The following SLIT3 variants were observed in gnomAD, a reference collection of about 807,000 sequenced individuals.
SLIT3 encodes slit homolog 3 protein.
SLIT3 carries 68 observed loss-of-function variants against 184.0 expected under a neutral mutation model. The ratio of observed to expected loss-of-function variants is 0.37; its 90% CI spans 0.30 to 0.45. The LOEUF (loss-of-function observed/expected upper bound fraction) is 0.45, where lower values mean the gene tolerates loss of function less well. Among genes scored for constraint, SLIT3 ranks in the 20% least tolerant of loss-of-function variants. SLIT3 has a pLI of 1.00. For missense variants in SLIT3, 1,707 were observed against 2,026.0 expected (o/e 0.84, Z 3.02); for synonymous variants, 831 against 828.6 (o/e 1.00, Z -0.05).
At chr5:169,210,553 T>C (rs996839786) in intron 3 of SLIT3, among the ~76,000 whole-genome samples, 1 of 152,170 alleles carries the variant, frequency 6.6e-6, no homozygotes, top group Non-Finnish European at 1.5e-5. Context: ...TGAAGTTTCC[T>C]GGGAAGGACT....
At chr5:168,771,436 T>C (rs1462385724) in intron 14 of SLIT3, among the ~76,000 whole-genome samples, 1 of 152,192 alleles carries the variant, frequency 6.6e-6, no homozygotes, top group Non-Finnish European at 1.5e-5. Flanking sequence ...CTGCCTCCGC[T>C]GTTTGCTGGC....
intron 4 of SLIT3, among the ~76,000 whole-genome samples, chr5:168,976,163 C>T (rs182407703): frequency 3.9e-5 from 6 of 152,234 alleles, no homozygotes; most frequent in Admixed American, 3.9e-4. Flanking sequence ...CTGTCATTAC[C>T]TACTTTTATA....
At chr5:168,943,840 G>A (rs1762393148) in intron 4 of SLIT3, among the ~76,000 whole-genome samples, 1 of 152,172 alleles carries the variant, frequency 6.6e-6, no homozygotes, top group African/African-American at 2.4e-5. Context: ...TGCTTTGACA[G>A]TAACTACAAT....
chr5:169,095,037 G>T (rs149741727), intron 4 of SLIT3, among the ~76,000 whole-genome samples: 102 of 152,294 alleles, frequency 6.7e-4, no homozygotes, highest in African/African-American at 2.4e-3. Context: ...GACACGAAAT[G>T]ACTGCTTTCC....
At chr5:169,126,541 C>T (rs1489914800) in intron 4 of SLIT3, among the ~76,000 whole-genome samples, 3 of 152,206 alleles carry the variant, frequency 2.0e-5, no homozygotes, top group Admixed American at 6.5e-5. Context: ...ACAACTTAGA[C>T]CTGGACTGGG....
At chr5:168,857,712 C>G (rs935949004) in intron 5 of SLIT3, among the ~76,000 whole-genome samples, 3 of 152,116 alleles carry the variant, frequency 2.0e-5, no homozygotes, top group African/African-American at 7.2e-5. Context: ...TGAATTTACT[C>G]CGGTTTTGAA....
At chr5:168,883,610 G>T (rs1352230194) in intron 4 of SLIT3, among the ~76,000 whole-genome samples, 1 of 152,218 alleles carries the variant, frequency 6.6e-6, no homozygotes, top group East Asian at 1.9e-4. Flanking sequence ...CAAGAGGCTG[G>T]GTTATTTGTT....
In SLIT3 at chr5:168,869,217, C is replaced by T. The variant is rs192457194; in HGVS notation, c.485+14048G>A. Among the ~76,000 whole-genome samples the T allele has an allele frequency of 4.6e-5, 7 of 152,324 alleles. No individual in the cohort carries two copies. The East Asian group carries it at 1.4e-3, about 29-fold the overall frequency. ...TTGTTTGGAGCTGGGATTTGGATCA[C>T]AGTTTTTGCCTTTCATTAAATACTT... On this transcript the variant is annotated intron_variant, in intron 5 of 35. Coordinates refer to ENST00000519560, the MANE Select transcript of SLIT3 (RefSeq NM_003062.4).
intron 4 of SLIT3, among the ~76,000 whole-genome samples, chr5:169,081,724 A>G (rs1341742187): frequency 6.6e-6 from 1 of 152,194 alleles, no homozygotes; most frequent in Non-Finnish European, 1.5e-5. Context: ...CAATGGCAGT[A>G]GGAGGTTGGA....
At chr5:169,080,811 C>G (rs1759004613) in intron 4 of SLIT3, among the ~76,000 whole-genome samples, 1 of 152,156 alleles carries the variant, frequency 6.6e-6, no homozygotes, top group South Asian at 2.1e-4. Context: ...TGCCTGGATA[C>G]CCAGGCAATT....
intron 6 of SLIT3, among the ~76,000 whole-genome samples, chr5:168,832,642 G>A (rs1369465975): frequency 6.6e-6 from 1 of 152,172 alleles, no homozygotes; most frequent in East Asian, 1.9e-4. Flanking sequence ...GGGGACTGTC[G>A]TAAACCCAGC....
chr5:168,685,674 G>A lies in SLIT3; in HGVS notation c.3555+13C>T. The A allele has an allele frequency of 6.5e-7, 1 of 1,540,978 alleles. No homozygotes were observed. Among genetic ancestry groups the A allele is most frequent in the South Asian group, 1.3e-5 (1 of 79,072 alleles). ...TTGAGGTCCTTCCAAGGGCAGGGCA[G>A]GGCGGGACACACCTGCAGGGAGATG... is the stretch of plus-strand genomic sequence containing the variant. On this transcript the variant is annotated intron_variant, in intron 31 of 35. Coordinates refer to ENST00000519560, the MANE Select transcript of SLIT3 (RefSeq NM_003062.4).
chr5:169,203,866 G>A (rs945512100), intron 3 of SLIT3, among the ~76,000 whole-genome samples: 6 of 152,112 alleles, frequency 3.9e-5, no homozygotes, highest in African/African-American at 1.2e-4. Flanking sequence ...ACTGTGGGTA[G>A]AGCAGGGGGT....
chr5:168,800,670 G>A (rs1414778032), intron 9 of SLIT3, among the ~76,000 whole-genome samples: 1 of 152,180 alleles, frequency 6.6e-6, no homozygotes, highest in Non-Finnish European at 1.5e-5. Flanking sequence ...GAGAAGATGA[G>A]GAATGTAGGC....
At chr5:169,136,679 G>C (rs12521397) in intron 4 of SLIT3, among the ~76,000 whole-genome samples, 22,920 of 152,166 alleles carry the variant, frequency 0.15, 1,907 homozygotes, top group South Asian at 0.28. Flanking sequence ...ATGCCTCAAT[G>C]CCTCATTATG....
chr5:169,078,290 G>A (rs1055056611), intron 4 of SLIT3, among the ~76,000 whole-genome samples: 2 of 152,002 alleles, frequency 1.3e-5, no homozygotes, highest in African/African-American at 4.8e-5. Flanking sequence ...TCCTTTCTAC[G>A]CTCTGTTTCT....
Position 169,180,506 on chromosome 5 carries a change from T to A in SLIT3, c.413+12973A>T, listed in dbSNP as rs530404633. ...AGACACAGCAGGAAGATTACTGAGG[T>A]CCTTGAAATCCAGCCAGAAGGACTG... On this transcript the variant is annotated intron_variant, in intron 4 of 35. Transcript: ENST00000519560. Among the ~76,000 whole-genome samples, 243 of 152,252 alleles carry A rather than the reference T, an allele frequency of 1.6e-3. 1 individual carries two copies. The highest frequency in any genetic ancestry group is 2.7e-3 in the Non-Finnish European group (182 of 68,018).
intron 23 of SLIT3, among the ~76,000 whole-genome samples, chr5:168,716,737 C>G (rs559884819): frequency 2.0e-5 from 3 of 151,788 alleles, no homozygotes; most frequent in Non-Finnish European, 4.4e-5. Context: ...CCATCAGAGG[C>G]CTCTCTGGGT....
At chr5:168,942,068 C>G (rs1264866428) in intron 4 of SLIT3, among the ~76,000 whole-genome samples, 1 of 152,194 alleles carries the variant, frequency 6.6e-6, no homozygotes, top group Non-Finnish European at 1.5e-5. Flanking sequence ...CCAGGGAGGT[C>G]ACATGACCCA....
Sources: allele counts gnomAD v4.1 joint callset (sites outside exome capture counted in the v4.1 genomes callset), GRCh38; gene constraint gnomAD v4.1.1; transcripts MANE v1.5; gene names NCBI Gene and HGNC (gene_info 2026-07-23, HGNC 2026-07-21).